RFC3: variants seen among roughly 807,000 people sequenced by gnomAD.
RFC3 encodes the protein A1 38 kDa subunit.
In RFC3, 41 loss-of-function variants were observed where a neutral mutation model predicts 45.1. The observed-to-expected ratio is 0.91, with a 90% CI of 0.71 to 1.18. The LOEUF is 1.18. RFC3 is among the 50% of genes most tolerant of loss of function. RFC3 has a pLI of 0.00. For missense variants in RFC3, 423 were observed against 428.1 expected, an observed-to-expected ratio of 0.99 and a Z score of 0.10; for synonymous variants, 149 against 144.0, an observed-to-expected ratio of 1.03 and a Z score of -0.25.
intron 8 of RFC3, among the ~76,000 whole-genome samples, chr13:33,963,534 T>C (rs1313696171): frequency 6.6e-6 from 1 of 152,200 alleles, no homozygotes; most frequent in Admixed American, 6.5e-5. Flanking sequence ...GCTGTGTTAG[T>C]GAGAGCAAAA....
intron 8 of RFC3, among the ~76,000 whole-genome samples, chr13:33,854,061 A>G (rs1421980255): frequency 2.0e-5 from 3 of 152,222 alleles, no homozygotes; most frequent in Non-Finnish European, 1.5e-5. Context: ...AATGGAAGGT[A>G]GTAGAAAGAT....
intron 8 of RFC3, among the ~76,000 whole-genome samples, chr13:33,899,153 T>C (rs1430628171): frequency 2.4e-5 from 3 of 127,358 alleles, no homozygotes; most frequent in Non-Finnish European, 3.1e-5. Flanking sequence ...TTTAAACTCC[T>C]ATGGAGCCAG....
intron 8 of RFC3, among the ~76,000 whole-genome samples, chr13:33,926,727 A>T (rs1187410225): frequency 1.3e-5 from 2 of 151,204 alleles, no homozygotes; most frequent in Non-Finnish European, 2.9e-5. Context: ...CTTTTGGGGA[A>T]ATTACTTGAA....
chr13:33,859,572 G>A (rs1274681225), intron 8 of RFC3, among the ~76,000 whole-genome samples: 18 of 152,140 alleles, frequency 1.2e-4, no homozygotes, highest in Admixed American at 1.1e-3. Context: ...CATAATTTTA[G>A]CAGTGATTGG....
At chr13:33,968,308 C>T (rs888564633), downstream of RFC3, among the ~76,000 whole-genome samples, 1 of 151,996 alleles carries the variant, frequency 6.6e-6, no homozygotes, top group East Asian at 1.9e-4. Context: ...TTGTAATTTT[C>T]GTAGAGACGA....
chr13:33,831,929 A>T (rs866154275), intron 7 of RFC3, among the ~76,000 whole-genome samples: 20 of 152,202 alleles, frequency 1.3e-4, no homozygotes, highest in African/African-American at 4.3e-4. Context: ...AAACTAAAAA[A>T]CCCTGTGCTT....
chr13:33,866,932 A>G (rs870654), intron 8 of RFC3, among the ~76,000 whole-genome samples: 106,298 of 152,098 alleles, frequency 0.7, 41,909 homozygotes, highest in Non-Finnish European at 0.9. Context: ...ACATATGTGT[A>G]CATATAAATA....
At position 33,944,971 on chromosome 13, in the gene RFC3, G is replaced by A. The variant is rs189855787; in HGVS notation, c.880-21116G>A. On this transcript the variant is annotated intron_variant, in intron 8 of 8. Transcript: ENST00000434425. Reference sequence around the variant, plus strand: ...TGTCATAGAGCCAAAGGGCTCCCAGGCATAACACATTTTTGTTTTTGTTGT... The same window carrying A: ...TGTCATAGAGCCAAAGGGCTCCCAGACATAACACATTTTTGTTTTTGTTGT... 1.8e-3 allele frequency among the ~76,000 whole-genome samples: 277 copies of A among 152,210 alleles called. 1 individual carries two copies. The highest frequency in any genetic ancestry group is 5.4e-3 in the Admixed American group (82 of 15,272).
chr13:33,973,154 GTATATA>G, the RFC3 span, among the ~76,000 whole-genome samples: 2 of 150,408 alleles, frequency 1.3e-5, no homozygotes, highest in Non-Finnish European at 3.0e-5. Flanking sequence ...GTGTGTGTGT[GTATATA>G]TATATATACA....
rs1230566094 is a variant in RFC3, at chr13:33,829,855, T to C, written c.411T>C (p.Val137=). 4 of 1,614,046 alleles carry C rather than the reference T, an allele frequency of 2.5e-6. No homozygotes were observed. The South Asian group carries it at 4.4e-5, about 18-fold the overall frequency. Residue 137 remains valine, a synonymous_variant, in exon 5 of 9, where the codon GTT becomes GTC. Coordinates refer to ENST00000380071, the MANE Select transcript of RFC3 (RefSeq NM_002915.4). ...RDFKVVLLTE[V]DKLTKDAQHA... ...ACTCAGTGGTATTATTGACAGAAGTTGACAAACTCACCAAAGATGCTCAGC... is the reference window on the plus strand; with the variant it reads ...ACTCAGTGGTATTATTGACAGAAGTCGACAAACTCACCAAAGATGCTCAGC...
chr13:33,836,720 C>A lies in RFC3; in HGVS notation c.*425C>A. 1 of 985,038 alleles carries A rather than the reference C, an allele frequency of 1.0e-6. No individual in the cohort carries two copies. The highest frequency in any genetic ancestry group is 1.2e-6 in the Non-Finnish European group (1 of 829,468). 61.0% of individuals were successfully genotyped at this position (985,038 alleles called of 1,614,324 possible). A position where few individuals can be genotyped will look rare whatever the true frequency, so the allele number is the denominator to read the frequency against. On this transcript the variant is annotated 3_prime_UTR_variant, in exon 9 of 9. Transcript: ENST00000380071. ...ACCATTATATTTAATTCTAGTTTCT[C>A]TCAATGAATAATTGTATTTTTGTAG...
chr13:33,898,855 CTG>C (rs1384863594), intron 8 of RFC3, among the ~76,000 whole-genome samples: 2 of 151,706 alleles, frequency 1.3e-5, no homozygotes, highest in Non-Finnish European at 3.0e-5. Flanking sequence ...TCCTTAGAGA[CTG>C]TTATGCTATT....
intron 8 of RFC3, among the ~76,000 whole-genome samples, chr13:33,923,513 C>CA (rs1480019127): frequency 6.6e-6 from 1 of 152,074 alleles, no homozygotes; most frequent in African/African-American, 2.4e-5. Flanking sequence ...GCCTGGTTCC[C>CA]AGGGGTCTTC....
chr13:33,930,255 G>A (rs896724229), intron 8 of RFC3, among the ~76,000 whole-genome samples: 1 of 152,090 alleles, frequency 6.6e-6, no homozygotes, highest in Non-Finnish European at 1.5e-5. Flanking sequence ...GCAAGTTGAG[G>A]AGCAAGGAAG....
At chr13:33,967,470 G>A (rs1244394361), downstream of RFC3, among the ~76,000 whole-genome samples, 1 of 139,888 alleles carries the variant, frequency 7.1e-6, no homozygotes, top group Non-Finnish European at 1.5e-5. Flanking sequence ...TTTCAACTTA[G>A]TTTAAACCAG....
In RFC3 at chr13:33,836,105, G is replaced by T; in HGVS notation, c.881G>T (p.Gly294Val). Reference protein sequence around the residue: ...HCIPPEIIMKGLLSELLHNCD... With the variant: ...HCIPPEIIMKVLLSELLHNCD... ...AAATTACTGATTATTTTTGTTTAGG[G>T]CCTTCTCTCAGAACTGTTACATAAT... Residue 294 changes from glycine (G) to valine (V), a missense_variant and splice_region_variant, in exon 9 of 9, where the codon GGC becomes GTC. Coordinates refer to ENST00000380071, the MANE Select transcript of RFC3 (RefSeq NM_002915.4). 6.2e-7 allele frequency: 1 copy of T among 1,601,372 alleles called. No homozygotes were observed. The highest frequency in any genetic ancestry group is 8.5e-7 in the Non-Finnish European group (1 of 1,170,534).
At chr13:33,955,523 C>T (rs191919973) in intron 8 of RFC3, among the ~76,000 whole-genome samples, 16 of 152,266 alleles carry the variant, frequency 1.1e-4, no homozygotes, top group Admixed American at 7.8e-4. Flanking sequence ...TTCACCTTGA[C>T]TATAAACCTA....
Position 33,836,675 on chromosome 13 carries a change from G to C in RFC3, c.*380G>C. 1 of 989,894 alleles carries C rather than the reference G, an allele frequency of 1.0e-6. No homozygotes were observed. Among genetic ancestry groups the C allele is most frequent in the Non-Finnish European group, 1.2e-6 (1 of 832,748 alleles). 61.3% of individuals were successfully genotyped at this position (989,894 alleles called of 1,614,324 possible). On this transcript the variant is annotated 3_prime_UTR_variant, in exon 9 of 9. Transcript: ENST00000380071. ...TCCAGATGACCATTTTCTGCCACAG[G>C]TAACATGATTGTTTGACACACCATT...
the RFC3 span, among the ~76,000 whole-genome samples, chr13:33,973,801 C>A: frequency 6.6e-6 from 1 of 152,026 alleles, no homozygotes; most frequent in African/African-American, 2.4e-5. Context: ...CAGGAATGCA[C>A]CATCACGCCT....
Sources: gnomAD v4.1 joint callset for allele counts (sites outside exome capture counted in the v4.1 genomes callset) on GRCh38, gnomAD v4.1.1 for gene constraint, MANE v1.5 for transcripts, NCBI Gene and HGNC (gene_info 2026-07-23, HGNC 2026-07-21) for gene names.